PI4K2A: variants seen among roughly 807,000 people sequenced by gnomAD.
PI4K2A encodes the protein phosphatidylinositol 4-kinase type 2-alpha.
A neutral mutation model predicts 55.0 loss-of-function variants in PI4K2A; 20 were observed. The observed-to-expected ratio is 0.36, with a 90% CI of 0.26 to 0.53. The LOEUF is 0.53. Ranked by LOEUF, PI4K2A falls within the 20% of genes least tolerant of loss-of-function variation. The probability of loss-of-function intolerance (pLI) is 0.91; values close to 1 mark genes in which losing one functional copy is unlikely to be tolerated. For missense variants in PI4K2A, 463 were observed against 637.1 expected, an observed-to-expected ratio of 0.73 and a Z score of 2.94; for synonymous variants, 235 against 258.5, an observed-to-expected ratio of 0.91 and a Z score of 0.87.
chr10:97,646,502 C>T (rs912935593), intron 1 of PI4K2A, among the ~76,000 whole-genome samples: 1 of 152,162 alleles, frequency 6.6e-6, no homozygotes, highest in Non-Finnish European at 1.5e-5. Context: ...CAGGCATGAG[C>T]CACCACACCC....
In PI4K2A at chr10:97,656,907, C is replaced by T; in HGVS notation, c.855C>T (p.Asn285=). 1 of 1,614,142 alleles carries T rather than the reference C, an allele frequency of 6.2e-7. No individual in the cohort carries two copies. Among genetic ancestry groups the T allele is most frequent in the South Asian group, 1.1e-5 (1 of 91,076 alleles). Residue 285 remains asparagine (N), a synonymous_variant, in exon 4 of 9, where the codon AAC becomes AAT. Transcript: ENST00000370631. This position sits in a 1 kb window ranked among gnomAD's most constrained non-coding sequence, Gnocchi z 4.5. ...TTGAAGCAGAACCTCTTCCTGAGAA[C>T]ACTAACCGGCAACTACTGCTCCAGT...
rs2041614560 is a variant in PI4K2A, at chr10:97,667,253, A to T, written c.1278+133A>T. Reference sequence around the variant, plus strand: ...GAGACCGAGTCTCACTCTGTCACCCAGGCTAAAGTGCAGTGGCATGATCTC... The same window carrying T: ...GAGACCGAGTCTCACTCTGTCACCCTGGCTAAAGTGCAGTGGCATGATCTC... On this transcript the variant is annotated intron_variant, in intron 8 of 8. Coordinates refer to ENST00000370631, the Ensembl canonical transcript of PI4K2A. 7.9e-6 allele frequency: 5 copies of T among 635,372 alleles called. No individual in the cohort carries two copies. The Admixed American group carries it at 1.3e-4, about 17-fold the overall frequency. 39.4% of individuals were successfully genotyped at this position (635,372 alleles called of 1,614,324 possible).
exon 7 of PI4K2A, chr10:97,666,518 T>C (rs1435673146): frequency 1.2e-6 from 2 of 1,613,636 alleles, no homozygotes; most frequent in Non-Finnish European, 1.7e-6. Context: ...TCCAAAGATA[T>C]CGGACCCTAA....
At chr10:97,672,366 C>A (rs148565874) in intron 8 of PI4K2A, among the ~76,000 whole-genome samples, 1,997 of 152,148 alleles carry the variant, frequency 0.013, 38 homozygotes, top group African/African-American at 0.046. Flanking sequence ...TTTCTTGAGA[C>A]CCAGAGATGA....
chr10:97,653,499 A>C (rs73334562), intron 2 of PI4K2A, among the ~76,000 whole-genome samples: 4,501 of 152,332 alleles, frequency 0.03, 244 homozygotes, highest in African/African-American at 0.1. Flanking sequence ...TTTATCAGCT[A>C]TTCTAATCGT....
intron 1 of PI4K2A, among the ~76,000 whole-genome samples, chr10:97,644,104 A>C (rs1316291227): frequency 6.6e-6 from 1 of 152,150 alleles, no homozygotes; most frequent in African/African-American, 2.4e-5. Flanking sequence ...TACTCTCAGC[A>C]CTTTGGGAGG....
intron 8 of PI4K2A, 71 bp downstream of exon 8, chr10:97,667,191 T>A: frequency 8.5e-7 from 1 of 1,172,488 alleles, no homozygotes; most frequent in Non-Finnish European, 1.3e-6. Context: ...TGAGCAAATG[T>A]TTGAAGTTTG....
At chr10:97,664,066 A>G (rs1195554024) in intron 5 of PI4K2A, among the ~76,000 whole-genome samples, 1 of 152,140 alleles carries the variant, frequency 6.6e-6, no homozygotes, top group African/African-American at 2.4e-5. Context: ...ACTTTCTCTA[A>G]TAGTGGCTCT....
At chr10:97,658,238 T>C (rs1052596410) in intron 4 of PI4K2A, among the ~76,000 whole-genome samples, 7 of 152,344 alleles carry the variant, frequency 4.6e-5, no homozygotes, top group African/African-American at 1.7e-4. Flanking sequence ...GTTTTCTGTT[T>C]CTATGATTTT....
intron 8 of PI4K2A, among the ~76,000 whole-genome samples, chr10:97,671,495 A>G (rs2041634932): frequency 6.6e-6 from 1 of 152,248 alleles, no homozygotes; most frequent in East Asian, 1.9e-4. Flanking sequence ...CAAATGCTAT[A>G]TAGGAACTCT....
intron 1 of PI4K2A, among the ~76,000 whole-genome samples, chr10:97,642,856 T>C (rs1307534169): frequency 0.01 from 127 of 12,396 alleles, 11 homozygotes; most frequent in Middle Eastern, 0.029. Flanking sequence ...CCTTCCTTTC[T>C]TTCTTTCTTT....
chr10:97,653,167 A>AT (rs1370989867), intron 2 of PI4K2A, among the ~76,000 whole-genome samples: 4 of 152,198 alleles, frequency 2.6e-5, no homozygotes, highest in African/African-American at 9.7e-5. Context: ...TTATCACTCT[A>AT]TAGTTTTCTT....
exon 1 of PI4K2A, chr10:97,640,753 C>T (rs1009601467): frequency 6.6e-7 from 1 of 1,506,060 alleles, no homozygotes; most frequent in Non-Finnish European, 8.9e-7. Flanking sequence ...ATGGACGAGA[C>T]GAGCCCACTA....
intron 8 of PI4K2A, among the ~76,000 whole-genome samples, chr10:97,671,133 G>A (rs557352553): frequency 6.9e-5 from 10 of 144,436 alleles, no homozygotes; most frequent in Admixed American, 2.1e-4. Context: ...GCGAAACTCC[G>A]TCTCAGAAAA....
At chr10:97,642,908 CCTTCCTTCCTTCCTTCCTTT>C (rs1564772385) in intron 1 of PI4K2A, among the ~76,000 whole-genome samples, 5 of 133,086 alleles carry the variant, frequency 3.8e-5, no homozygotes, top group South Asian at 2.4e-4. Context: ...TTCCTTCCTT[CCTTCCTTCCTTCCTTCCTTT>C]CTTTCCTTTC....
At chr10:97,658,471 T>G (rs2041566338) in intron 4 of PI4K2A, among the ~76,000 whole-genome samples, 1 of 152,258 alleles carries the variant, frequency 6.6e-6, no homozygotes, top group Admixed American at 6.5e-5. Flanking sequence ...GCATTTTAGC[T>G]ATTACGAACA....
At chr10:97,663,028 A>G (rs932629032) in intron 5 of PI4K2A, 60 bp downstream of exon 5, 7 of 1,128,746 alleles carry the variant, frequency 6.2e-6, no homozygotes, top group African/African-American at 3.0e-5. Flanking sequence ...ATAGAAACAC[A>G]TAAAATGGTC....
At chr10:97,670,020 C>G (rs559999678) in intron 8 of PI4K2A, among the ~76,000 whole-genome samples, 18 of 152,130 alleles carry the variant, frequency 1.2e-4, no homozygotes, top group South Asian at 4.1e-4. Context: ...AGTCCTCCCC[C>G]CTCAGCCTCC....
rs918787369 is a variant in PI4K2A at position 97,663,701 on chromosome 10, T to G, written c.984+733T>G. Among the ~76,000 whole-genome samples, 5 of 151,468 alleles carry G rather than the reference T, an allele frequency of 3.3e-5. No individual in the cohort carries two copies. The East Asian group carries it at 9.7e-4, about 29-fold the overall frequency. Reference sequence around the variant, plus strand: ...CGGGCATGATGGCGGGAGCTTGTATTCCTAGCTACTCGGGAGGCTGAGACT... The same window carrying G: ...CGGGCATGATGGCGGGAGCTTGTATGCCTAGCTACTCGGGAGGCTGAGACT... On this transcript the variant is annotated intron_variant, in intron 5 of 8. Transcript: ENST00000370631.
Sources: gnomAD v4.1 joint callset for allele counts (sites outside exome capture counted in the v4.1 genomes callset) on GRCh38, gnomAD v4.1.1 for gene constraint, Gnocchi (gnomAD v3.1) non-coding constraint, MANE v1.5 for transcripts, NCBI Gene and HGNC (gene_info 2026-07-23, HGNC 2026-07-21) for gene names.